The following PKIB variants were observed in gnomAD, a reference collection of about 807,000 sequenced individuals.
The protein encoded by PKIB is PKI-beta.
In PKIB, 2 loss-of-function variants were observed where a neutral mutation model predicts 4.5. The ratio of observed to expected loss-of-function variants is 0.44; its 90% CI spans 0.18 to 1.39. The LOEUF (loss-of-function observed/expected upper bound fraction) is 1.39. Ranked by LOEUF, PKIB falls within the 40% of genes most tolerant of loss-of-function variation. The pLI is 0.27. For missense variants in PKIB, 94 were observed against 92.6 expected (o/e 1.02, Z -0.06); for synonymous variants, 38 against 36.0 (o/e 1.06, Z -0.20).
intron 1 of PKIB, among the ~76,000 whole-genome samples, chr6:122,617,164 T>C (rs933612261): frequency 1.3e-5 from 2 of 152,182 alleles, no homozygotes; most frequent in African/African-American, 4.8e-5. Flanking sequence ...GTATTGCATC[T>C]ACCGTATGCA....
chr6:122,701,193 G>A, intron 3 of PKIB: 1 of 390,314 alleles, frequency 2.6e-6, no homozygotes, highest in Non-Finnish European at 4.7e-6. Context: ...GAACAACAAT[G>A]GCAACCAGGA....
At chr6:122,629,711 TTCC>T (rs1208931068) in intron 1 of PKIB, among the ~76,000 whole-genome samples, 10 of 152,176 alleles carry the variant, frequency 6.6e-5, no homozygotes, top group African/African-American at 2.4e-4. Flanking sequence ...AATGGCACTT[TTCC>T]TCTGTGGTCT....
chr6:122,536,901 CTTT>C (rs532464253), intron 2 of PKIB, among the ~76,000 whole-genome samples: 7 of 138,850 alleles, frequency 5.0e-5, no homozygotes, highest in South Asian at 2.3e-4. Flanking sequence ...TCCTTTCTGT[CTTT>C]TTTTTTTTTT....
rs188891102 is a variant in PKIB, at chr6:122,490,114, C to T, written c.-248+12175C>T. 1.8e-4 allele frequency among the ~76,000 whole-genome samples: 28 copies of T among 152,224 alleles called. No individual in the cohort carries two copies. In the East Asian group the frequency reaches 4.8e-3, roughly 26 times the overall value. The stretch of plus-strand genomic sequence containing the variant: ...TCTTCTTGTAGCTTTTGAATAATTT[C>T]CAAGAAAAAGGGAAAATGCTGATTT... On this transcript the variant is annotated intron_variant, in intron 2 of 6. Coordinates refer to the PKIB transcript ENST00000392491.
At chr6:122,722,747 T>A (rs1779793004) in intron 4 of PKIB, among the ~76,000 whole-genome samples, 1 of 152,198 alleles carries the variant, frequency 6.6e-6, no homozygotes, top group Non-Finnish European at 1.5e-5. Flanking sequence ...AAATTCTCCC[T>A]TGATCCCAAT....
chr6:122,546,160 T>G (rs1772486856), intron 2 of PKIB, among the ~76,000 whole-genome samples: 1 of 152,084 alleles, frequency 6.6e-6, no homozygotes, highest in African/African-American at 2.4e-5. Context: ...TTCCTTTTCT[T>G]GAGAAGAGAA....
intron 2 of PKIB, among the ~76,000 whole-genome samples, chr6:122,664,536 C>T (rs1466523743): frequency 6.6e-6 from 1 of 152,138 alleles, no homozygotes; most frequent in East Asian, 1.9e-4. Flanking sequence ...TTCATCCTCC[C>T]AAGTAGCTGG....
chr6:122,650,405 CA>C (rs1189012751), intron 2 of PKIB, among the ~76,000 whole-genome samples: 1 of 152,142 alleles, frequency 6.6e-6, no homozygotes, highest in East Asian at 1.9e-4. Context: ...TACTTGGCCT[CA>C]CTCCATAGTT....
intron 2 of PKIB, among the ~76,000 whole-genome samples, chr6:122,566,652 GCCTTCCTT>G (rs60964400): frequency 0.2 from 29,279 of 147,786 alleles, 3,042 homozygotes; most frequent in African/African-American, 0.27. Context: ...CTTCCTTCCT[GCCTTCCTT>G]CCTTCCTTCC....
At chr6:122,546,295 C>T (rs1772491283) in intron 2 of PKIB, among the ~76,000 whole-genome samples, 1 of 151,806 alleles carries the variant, frequency 6.6e-6, no homozygotes, top group South Asian at 2.1e-4. Flanking sequence ...CCCAATACAT[C>T]CTAAAACCTA....
rs1226817530 is a variant in PKIB, at chr6:122,663,398, T to A, written c.-75-11680T>A. Among the ~76,000 whole-genome samples the A allele has an allele frequency of 2.0e-5, 3 of 152,328 alleles. No individual in the cohort carries two copies. In the East Asian group the frequency reaches 5.8e-4, roughly 29 times the overall value. On this transcript the variant is annotated intron_variant, in intron 2 of 4. Coordinates refer to ENST00000368452, the MANE Select transcript of PKIB (RefSeq NM_181795.3). ...TATACCTGTGCCCTCCAGGAGCTGC[T>A]AAGAGTCTACCATCATCCCTACGTG... is the stretch of plus-strand genomic sequence containing the variant.
At chr6:122,490,404 T>A (rs1775905270) in intron 2 of PKIB, among the ~76,000 whole-genome samples, 1 of 152,042 alleles carries the variant, frequency 6.6e-6, no homozygotes, top group South Asian at 2.1e-4. Flanking sequence ...AGTATTATGG[T>A]TTGGATGTTT....
chr6:122,700,699 C>G (rs562721895), intron 3 of PKIB, among the ~76,000 whole-genome samples: 3 of 152,134 alleles, frequency 2.0e-5, no homozygotes, highest in African/African-American at 7.2e-5. Flanking sequence ...GCACAAATTC[C>G]CTGAGAATAT....
intron 2 of PKIB, among the ~76,000 whole-genome samples, 187 bp from the exon 3 acceptor site, chr6:122,674,891 T>A (rs1039867242): frequency 1.3e-5 from 2 of 152,178 alleles, no homozygotes; most frequent in African/African-American, 4.8e-5. Flanking sequence ...TGAAATAAGA[T>A]CCTTTTGACT....
intron 2 of PKIB, among the ~76,000 whole-genome samples, chr6:122,543,937 A>G (rs960993912): frequency 1.4e-4 from 22 of 152,068 alleles, no homozygotes; most frequent in African/African-American, 5.1e-4. Flanking sequence ...CTGATATGAA[A>G]TATCATTTTA....
chr6:122,557,935 C>G (rs969018046), intron 2 of PKIB, among the ~76,000 whole-genome samples: 1 of 152,130 alleles, frequency 6.6e-6, no homozygotes, highest in African/African-American at 2.4e-5. Context: ...TATAGTAACC[C>G]TACTTCCATG....
At chr6:122,606,970 T>C (rs941838660), upstream of PKIB, among the ~76,000 whole-genome samples, 12 of 152,038 alleles carry the variant, frequency 7.9e-5, no homozygotes, top group Admixed American at 3.9e-4. Flanking sequence ...AGAAGGTAAA[T>C]ACTGATTCTT....
chr6:122,609,801 T>C (rs1357472198), upstream of PKIB, among the ~76,000 whole-genome samples: 3 of 152,222 alleles, frequency 2.0e-5, no homozygotes, highest in African/African-American at 7.2e-5. Flanking sequence ...AAGTGAAACT[T>C]GATATACATT....
At chr6:122,493,954 G>C (rs1776008360) in intron 2 of PKIB, among the ~76,000 whole-genome samples, 1 of 151,896 alleles carries the variant, frequency 6.6e-6, no homozygotes, top group South Asian at 2.1e-4. Flanking sequence ...CTCTCTGCTT[G>C]CTTTATTGCT....
Sources: gnomAD v4.1 joint callset for allele counts (sites outside exome capture counted in the v4.1 genomes callset) on GRCh38, gnomAD v4.1.1 for gene constraint, MANE v1.5 for transcripts, NCBI Gene and HGNC (gene_info 2026-07-23, HGNC 2026-07-21) for gene names.